The following CYP2C19 variants were observed in gnomAD, a reference collection of about 807,000 sequenced individuals.
CYP2C19 encodes cytochrome P450 family 2 subfamily C member 19.
Under a neutral mutation model 40.9 loss-of-function variants are expected in CYP2C19, and 59 were observed. The observed-to-expected ratio is 1.44, with a 90% confidence interval of 1.17 to 1.79. The LOEUF (loss-of-function observed/expected upper bound fraction) is 1.79, where lower values mean the gene tolerates loss of function less well. Among genes scored for constraint, CYP2C19 ranks in the 40% most tolerant of loss-of-function variants. CYP2C19 has a pLI of 0.00. For synonymous variants in CYP2C19, 253 were observed against 208.7 expected, an observed-to-expected ratio of 1.21 and a Z score of -1.83; for missense variants, 754 against 596.9, an observed-to-expected ratio of 1.26 and a Z score of -2.74.
chr10:94,803,634 A>T (rs909057789), intron 5 of CYP2C19, among the ~76,000 whole-genome samples: 1 of 152,202 alleles, frequency 6.6e-6, no homozygotes, highest in African/African-American at 2.4e-5. Context: ...TCCAGTGGGC[A>T]GACTTGAAGC....
rs567528167 is a variant in CYP2C19 at position 94,850,090 on chromosome 10, G to A, written c.1291+32G>A. 21 of 1,612,146 alleles carry A rather than the reference G, an allele frequency of 1.3e-5. No homozygotes were observed. The South Asian group carries it at 2.1e-4, about 16-fold the overall frequency. ...TAAATTTATTTCCCTTTGTGTTTCA[G>A]GGTACAAGATAACTTTTTTGATCAG... On this transcript the variant is annotated intron_variant, in intron 8 of 8. Coordinates refer to ENST00000371321, the MANE Select transcript of CYP2C19 (RefSeq NM_000769.4).
intron 5 of CYP2C19, among the ~76,000 whole-genome samples, chr10:94,797,010 G>A (rs985920902): frequency 9.9e-5 from 15 of 152,016 alleles, no homozygotes; most frequent in African/African-American, 2.4e-4. Flanking sequence ...TTGCCCCGGC[G>A]AGAACTTCCA....
chr10:94,829,067 C>A (rs576616174), intron 6 of CYP2C19, among the ~76,000 whole-genome samples: 2 of 152,078 alleles, frequency 1.3e-5, no homozygotes, highest in Admixed American at 6.5e-5. Context: ...TTGAGGGTAA[C>A]CCGACCTTTC....
intron 1 of CYP2C19, among the ~76,000 whole-genome samples, chr10:94,765,560 A>G (rs994667737): frequency 3.3e-5 from 5 of 152,048 alleles, no homozygotes; most frequent in African/African-American, 9.7e-5. Flanking sequence ...CTATTTTCCC[A>G]TTGGAGAAAA....
At chr10:94,827,311 A>G (rs1190803509) in intron 6 of CYP2C19, among the ~76,000 whole-genome samples, 2 of 151,992 alleles carry the variant, frequency 1.3e-5, no homozygotes, top group Non-Finnish European at 2.9e-5. Flanking sequence ...TTTGGTTGGT[A>G]AGCTATTGAT....
Position 94,775,228 on chromosome 10 carries a change from T to G in CYP2C19, c.331+8T>G, listed in dbSNP as rs750969702. On this transcript the variant is annotated splice_region_variant and intron_variant, in intron 2 of 8. Transcript: ENST00000371321. ...GAGCTAACAGAGGATTTGGTAGGTG[T>G]GCAAGTGCCTGTTTCAGCATCTGTC... 7 of 1,614,054 alleles carry G rather than the reference T, an allele frequency of 4.3e-6. No homozygotes were observed. In the Admixed American group the frequency reaches 1.2e-4, roughly 27 times the overall value.
intron 5 of CYP2C19, among the ~76,000 whole-genome samples, chr10:94,787,872 A>G (rs1848561486): frequency 6.6e-6 from 1 of 152,084 alleles, no homozygotes. Context: ...TTTCAAACGA[A>G]TTTTAGAATA....
At position 94,781,974 on chromosome 10, in the gene CYP2C19, T is replaced by C. The variant is rs1848485948; in HGVS notation, c.796T>C (p.Cys266Arg). 7 of 1,535,974 alleles carry C rather than the reference T, an allele frequency of 4.6e-6. No homozygotes were observed. Among genetic ancestry groups the C allele is most frequent in the Non-Finnish European group, 6.1e-6 (7 of 1,150,214 alleles). ...CAACAACCCTCGGGACTTTATTGAT[T>C]GCTTCCTGATCAAAATGGAGAAGGT... ...DINNPRDFID[C>R]FLIKMEKEKQ... Residue 266 changes from cysteine to arginine, a missense_variant, in exon 5 of 9, where the codon TGC becomes CGC. By Grantham distance (180) the Cys-to-Arg change is radical (BLOSUM62 -3). Transcript: ENST00000371321.
chr10:94,774,914 G>A, intron 1 of CYP2C19, 144 bp from the exon 2 acceptor site: 1 of 866,168 alleles, frequency 1.2e-6, no homozygotes, highest in Non-Finnish European at 1.8e-6. Context: ...TCATCATCAT[G>A]TTTATATATA....
At chr10:94,793,770 A>C (rs1848643104) in intron 5 of CYP2C19, among the ~76,000 whole-genome samples, 1 of 152,056 alleles carries the variant, frequency 6.6e-6, no homozygotes, top group Non-Finnish European at 1.5e-5. Context: ...GTCGGCCCCT[A>C]CTAGGAGGTG....
At chr10:94,820,298 A>C (rs1004038464) in intron 5 of CYP2C19, among the ~76,000 whole-genome samples, 198 bp from the exon 6 acceptor site, 4 of 152,124 alleles carry the variant, frequency 2.6e-5, no homozygotes, top group African/African-American at 9.7e-5. Flanking sequence ...TGAATGGGCA[A>C]AAACTGGAAG....
intron 6 of CYP2C19, among the ~76,000 whole-genome samples, chr10:94,829,613 G>C (rs1247996552): frequency 6.6e-6 from 1 of 152,002 alleles, no homozygotes; most frequent in Non-Finnish European, 1.5e-5. Flanking sequence ...TCCTTCCATA[G>C]CTCAGAGTAA....
chr10:94,764,848 A>G (rs1034094340), intron 1 of CYP2C19, among the ~76,000 whole-genome samples: 1 of 152,164 alleles, frequency 6.6e-6, no homozygotes, highest in East Asian at 1.9e-4. Flanking sequence ...TGGGACCTAG[A>G]AAGGGGAGAA....
chr10:94,814,475 G>A (rs558895123), intron 5 of CYP2C19, among the ~76,000 whole-genome samples: 10 of 151,284 alleles, frequency 6.6e-5, no homozygotes, highest in African/African-American at 1.9e-4. Flanking sequence ...TTTATCTGAA[G>A]TTGAGTGTTT....
At chr10:94,836,782 G>A (rs1411146054) in intron 6 of CYP2C19, among the ~76,000 whole-genome samples, 1 of 152,220 alleles carries the variant, frequency 6.6e-6, no homozygotes, top group South Asian at 2.1e-4. Flanking sequence ...TGTAGCCACA[G>A]GTAGTGAGGA....
At chr10:94,816,072 T>TAG (rs1334371575) in intron 5 of CYP2C19, among the ~76,000 whole-genome samples, 1 of 151,256 alleles carries the variant, frequency 6.6e-6, no homozygotes, top group Non-Finnish European at 1.5e-5. Flanking sequence ...GAAGTGGATC[T>TAG]AGAGATCTTC....
chr10:94,826,609 G>C (rs1309465005), intron 6 of CYP2C19, among the ~76,000 whole-genome samples: 1 of 152,192 alleles, frequency 6.6e-6, no homozygotes, highest in Non-Finnish European at 1.5e-5. Context: ...TGTAAACAGA[G>C]ACAATTTGAC....
chr10:94,771,886 G>A (rs1186123196), intron 1 of CYP2C19, among the ~76,000 whole-genome samples: 1 of 152,116 alleles, frequency 6.6e-6, no homozygotes, highest in Non-Finnish European at 1.5e-5. Flanking sequence ...ACCAGAAGGA[G>A]GACTGAGGAA....
chr10:94,766,309 G>A (rs923084029), intron 1 of CYP2C19, among the ~76,000 whole-genome samples: 1 of 139,766 alleles, frequency 7.2e-6, no homozygotes, highest in Non-Finnish European at 1.6e-5. Flanking sequence ...GGTGATTGAG[G>A]TATCCAAGGA....
Sources: gnomAD v4.1 joint callset for allele counts (sites outside exome capture counted in the v4.1 genomes callset) on GRCh38, gnomAD v4.1.1 for gene constraint, MANE v1.5 for transcripts, NCBI Gene and HGNC (gene_info 2026-07-23, HGNC 2026-07-21) for gene names.